Variants in GLI3 observed in about 807,000 individuals in gnomAD.
The protein encoded by GLI3 is GLI family zinc finger 3.
GLI3 carries 20 observed loss-of-function variants against 100.8 expected under a neutral mutation model. The observed-to-expected ratio is 0.20, with a 90% CI of 0.14 to 0.29. GLI3 has a LOEUF of 0.29. GLI3 is among the 10% of genes least tolerant of loss of function. The probability of loss-of-function intolerance (pLI) is 1.00; values close to 1 mark genes in which losing one functional copy is unlikely to be tolerated. For missense variants in GLI3, 2,040 were observed against 2,128.5 expected (o/e 0.96, Z 0.82); for synonymous variants, 938 against 860.5 (o/e 1.09, Z -1.58).
chr7:42,184,634 G>A (rs1043163843), intron 2 of GLI3, among the ~76,000 whole-genome samples: 1 of 152,150 alleles, frequency 6.6e-6, no homozygotes, highest in Non-Finnish European at 1.5e-5. Flanking sequence ...ATGTTATGGT[G>A]ACATCATGAT....
intron 4 of GLI3, among the ~76,000 whole-genome samples, chr7:42,053,672 A>C (rs936257053): frequency 5.9e-5 from 9 of 152,226 alleles, no homozygotes; most frequent in Admixed American, 6.5e-5. Context: ...TCTTTGTGGC[A>C]GTCCACCTTC....
At chr7:42,007,374 C>G (rs1788487322) in intron 10 of GLI3, among the ~76,000 whole-genome samples, 2 of 152,096 alleles carry the variant, frequency 1.3e-5, no homozygotes, top group African/African-American at 4.8e-5. Flanking sequence ...GAGATGCACT[C>G]TGCTAAGGAC....
intron 3 of GLI3, among the ~76,000 whole-genome samples, chr7:42,114,787 C>T (rs1410291428): frequency 6.6e-6 from 1 of 151,556 alleles, no homozygotes; most frequent in African/African-American, 2.4e-5. Flanking sequence ...CTGCAACCTC[C>T]GCCTCCCAGG....
At chr7:42,075,626 TTCTC>T (rs1489328643) in intron 4 of GLI3, among the ~76,000 whole-genome samples, 1 of 152,218 alleles carries the variant, frequency 6.6e-6, no homozygotes, top group African/African-American at 2.4e-5. Context: ...AGTTTCTGCA[TTCTC>T]TCTCTATAAA....
intron 3 of GLI3, among the ~76,000 whole-genome samples, chr7:42,087,338 C>G (rs1785123869): frequency 6.6e-6 from 1 of 152,174 alleles, no homozygotes; most frequent in Admixed American, 6.5e-5. Context: ...AGGGCCAAGG[C>G]CCAGCAGATG....
At chr7:42,091,091 G>C (rs983485786) in intron 3 of GLI3, among the ~76,000 whole-genome samples, 2 of 152,194 alleles carry the variant, frequency 1.3e-5, no homozygotes, top group African/African-American at 2.4e-5. Flanking sequence ...TTAATGTTAC[G>C]CGCAGTAGCC....
chr7:42,106,980 G>T (rs373851589), intron 3 of GLI3, among the ~76,000 whole-genome samples: 131 of 152,172 alleles, frequency 8.6e-4, no homozygotes, highest in Non-Finnish European at 1.5e-3. Flanking sequence ...CTACTGATTT[G>T]TAGTAATTAA....
intron 2 of GLI3, among the ~76,000 whole-genome samples, chr7:42,187,268 A>C (rs184395714): frequency 1.3e-5 from 2 of 152,110 alleles, no homozygotes; most frequent in African/African-American, 2.4e-5. Flanking sequence ...TTAAAACGCT[A>C]TTCACCCCAT....
chr7:42,115,811 G>A (rs914274926), intron 3 of GLI3, among the ~76,000 whole-genome samples: 1 of 152,182 alleles, frequency 6.6e-6, no homozygotes, highest in African/African-American at 2.4e-5. Context: ...CCCTCTGAGA[G>A]TGGGAAGGAG....
At chr7:42,240,471 C>G (rs1245563820), upstream of GLI3, among the ~76,000 whole-genome samples, 1 of 152,122 alleles carries the variant, frequency 6.6e-6, no homozygotes, top group African/African-American at 2.4e-5. Context: ...TGCAGGGCCA[C>G]ACTCCCTCTG....
Position 42,123,263 on chromosome 7 carries a change from C to T in GLI3, c.367+24963G>A, listed in dbSNP as rs146362228. Among the ~76,000 whole-genome samples the T allele has an allele frequency of 4.7e-4, 72 of 152,302 alleles. No individual in the cohort carries two copies. In the East Asian group the frequency reaches 0.012, roughly 25 times the overall value. On this transcript the variant is annotated intron_variant, in intron 3 of 14. Coordinates refer to ENST00000395925, the MANE Select transcript of GLI3 (RefSeq NM_000168.6). ...TACACTCAACCAACATTTCTACATC[C>T]TGAATCTGCTAATCTCAGCAATAAG...
chr7:42,230,938 G>C (rs1384828055), intron 1 of GLI3, among the ~76,000 whole-genome samples: 1 of 152,212 alleles, frequency 6.6e-6, no homozygotes, highest in Admixed American at 6.5e-5. Context: ...CATGAAAACT[G>C]TATTCCTCTT....
At chr7:41,993,703 T>C (rs1012613494) in intron 10 of GLI3, among the ~76,000 whole-genome samples, 3 of 152,308 alleles carry the variant, frequency 2.0e-5, no homozygotes, top group Non-Finnish European at 2.9e-5. Flanking sequence ...AAATGTGTTA[T>C]TGAAAACAAC....
chr7:42,229,045 T>TATC (rs1490837984), intron 1 of GLI3, among the ~76,000 whole-genome samples: 5 of 152,196 alleles, frequency 3.3e-5, no homozygotes, highest in African/African-American at 1.2e-4. Context: ...AACACTAAAA[T>TATC]GTTTAAAAAT....
At chr7:42,081,107 T>C (rs921617946) in intron 3 of GLI3, among the ~76,000 whole-genome samples, 13 of 152,168 alleles carry the variant, frequency 8.5e-5, no homozygotes, top group African/African-American at 2.7e-4. Flanking sequence ...ATCATACAAT[T>C]TCCTGACTGA....
chr7:42,200,556 G>A (rs573923440), intron 2 of GLI3, among the ~76,000 whole-genome samples: 4 of 152,306 alleles, frequency 2.6e-5, no homozygotes, highest in African/African-American at 7.2e-5. Context: ...CAGTGTTGAA[G>A]TGATGGGGAG....
intron 1 of GLI3, among the ~76,000 whole-genome samples, chr7:42,256,955 C>G (rs1172054556): frequency 6.6e-6 from 1 of 152,026 alleles, no homozygotes; most frequent in Non-Finnish European, 1.5e-5. Context: ...TTTTTCTTTG[C>G]AGTGTTTTGT....
At chr7:42,183,562 C>T (rs1050664871) in intron 2 of GLI3, among the ~76,000 whole-genome samples, 2 of 152,172 alleles carry the variant, frequency 1.3e-5, no homozygotes, top group African/African-American at 4.8e-5. Flanking sequence ...AAATCCATGC[C>T]CCTTACAGGA....
chr7:42,192,329 T>C (rs1163542757), intron 2 of GLI3, among the ~76,000 whole-genome samples: 1 of 152,156 alleles, frequency 6.6e-6, no homozygotes, highest in Non-Finnish European at 1.5e-5. Context: ...TCTCCACACT[T>C]GGGTCCATGC....
Sources: allele counts gnomAD v4.1 joint callset (sites outside exome capture counted in the v4.1 genomes callset), GRCh38; gene constraint gnomAD v4.1.1; transcripts MANE v1.5; gene names NCBI Gene and HGNC (gene_info 2026-07-23, HGNC 2026-07-21).